IMPG1: variants seen among roughly 807,000 people sequenced by gnomAD.
The protein encoded by IMPG1 is interphotoreceptor matrix proteoglycan 1.
Under a neutral mutation model 92.0 loss-of-function variants are expected in IMPG1, and 85 were observed. The ratio of observed to expected loss-of-function variants is 0.92; its 90% CI spans 0.78 to 1.11. The LOEUF (loss-of-function observed/expected upper bound fraction) is 1.11. IMPG1 is among the 50% of genes least tolerant of loss of function. The pLI, the probability that IMPG1 is intolerant of heterozygous loss-of-function variation, is 0.00. For synonymous variants in IMPG1, 367 were observed against 334.1 expected (o/e 1.10, Z -1.08); for missense variants, 1,022 against 956.0 (o/e 1.07, Z -0.91).
At chr6:76,020,758 G>C (rs960316510) in intron 6 of IMPG1, among the ~76,000 whole-genome samples, 1 of 152,068 alleles carries the variant, frequency 6.6e-6, no homozygotes. Context: ...CCTATCTAAG[G>C]GGTTTGGGGA....
At chr6:76,021,778 C>T (rs866802705) in intron 6 of IMPG1, among the ~76,000 whole-genome samples, 24 of 49,486 alleles carry the variant, frequency 4.8e-4, no homozygotes, top group South Asian at 1.3e-3. Flanking sequence ...ACTTGGAGAG[C>T]ATATATATAT....
intron 13 of IMPG1, among the ~76,000 whole-genome samples, chr6:75,949,452 AAT>A (rs1781987570): frequency 1.3e-5 from 2 of 152,232 alleles, no homozygotes; most frequent in South Asian, 4.1e-4. Context: ...GGGAGGCATG[AAT>A]AATCCACCCT....
intron 15 of IMPG1, among the ~76,000 whole-genome samples, chr6:75,925,769 G>A (rs1044182702): frequency 6.6e-6 from 1 of 152,100 alleles, no homozygotes; most frequent in Non-Finnish European, 1.5e-5. Flanking sequence ...AGGTTCAAGC[G>A]ATTCTCCTGC....
At chr6:75,929,442 C>T (rs1781624800) in intron 15 of IMPG1, among the ~76,000 whole-genome samples, 1 of 149,502 alleles carries the variant, frequency 6.7e-6, no homozygotes, top group Non-Finnish European at 1.5e-5. Context: ...TCTCAGCAAA[C>T]TATCACAAGG....
intron 14 of IMPG1, among the ~76,000 whole-genome samples, chr6:75,942,420 T>C (rs1781849462): frequency 1.3e-5 from 2 of 152,348 alleles, no homozygotes; most frequent in South Asian, 4.1e-4. Context: ...CATCATTTTC[T>C]CTTGGGTCTC....
At chr6:76,024,785 G>A (rs1283384357) in intron 5 of IMPG1, 25 of 307,962 alleles carry the variant, frequency 8.1e-5, no homozygotes, top group South Asian at 7.0e-4. Flanking sequence ...GGATGCAACA[G>A]AATGTTGCAA....
intron 7 of IMPG1, among the ~76,000 whole-genome samples, chr6:76,017,252 T>C (rs1582106767): frequency 2.0e-5 from 3 of 149,906 alleles, no homozygotes; most frequent in Middle Eastern, 7.1e-3. Context: ...ACACTCAGCA[T>C]AGTAGCTGGA....
intron 15 of IMPG1, among the ~76,000 whole-genome samples, 176 bp from the exon 16 acceptor site, chr6:75,923,882 C>T (rs995275306): frequency 6.6e-6 from 1 of 152,134 alleles, no homozygotes; most frequent in East Asian, 1.9e-4. Context: ...TTTCCCCTGA[C>T]TTTTGCCTTT....
At chr6:75,998,114 G>A (rs1463651473) in intron 12 of IMPG1, among the ~76,000 whole-genome samples, 2 of 152,182 alleles carry the variant, frequency 1.3e-5, no homozygotes, top group Non-Finnish European at 1.5e-5. Context: ...ATGGTGAGTG[G>A]TGTGACCAGA....
At chr6:76,048,722 A>G (rs1471558516) in intron 1 of IMPG1, among the ~76,000 whole-genome samples, 2 of 152,218 alleles carry the variant, frequency 1.3e-5, no homozygotes, top group South Asian at 2.1e-4. Context: ...TCCAGATACT[A>G]GCTCATTTTT....
chr6:76,042,869 C>G (rs1414462063), intron 1 of IMPG1, among the ~76,000 whole-genome samples: 1 of 152,100 alleles, frequency 6.6e-6, no homozygotes, highest in African/African-American at 2.4e-5. Flanking sequence ...CTGGACCTCT[C>G]ATAATAACTT....
chr6:76,056,183 T>C (rs968976950), intron 1 of IMPG1, among the ~76,000 whole-genome samples: 14 of 152,140 alleles, frequency 9.2e-5, no homozygotes, highest in Non-Finnish European at 1.5e-4. Flanking sequence ...TATTTGAATA[T>C]TGATTAAGGC....
chr6:76,040,154 T>C (rs923449063), intron 2 of IMPG1, among the ~76,000 whole-genome samples: 1 of 152,180 alleles, frequency 6.6e-6, no homozygotes, highest in Non-Finnish European at 1.5e-5. Context: ...ATAAAGATAA[T>C]GGACTGTCAT....
At chr6:75,974,902 T>C (rs1782509919) in intron 12 of IMPG1, among the ~76,000 whole-genome samples, 1 of 152,200 alleles carries the variant, frequency 6.6e-6, no homozygotes, top group Admixed American at 6.5e-5. Flanking sequence ...TTAGAGAACA[T>C]TCAGAGGCTT....
chr6:76,025,341 C>T, intron 4 of IMPG1, 83 bp from the exon 5 acceptor site: 2 of 690,456 alleles, frequency 2.9e-6, no homozygotes, highest in Non-Finnish European at 2.5e-6. Flanking sequence ...ATTTCTTATA[C>T]TGAGTAAACC....
intron 14 of IMPG1, among the ~76,000 whole-genome samples, chr6:75,943,108 G>A (rs993491012): frequency 1.3e-5 from 2 of 152,120 alleles, no homozygotes; most frequent in Non-Finnish European, 2.9e-5. Context: ...GGAAAAAGGA[G>A]GTGTGAGTGA....
intron 12 of IMPG1, among the ~76,000 whole-genome samples, chr6:75,970,640 T>C (rs899907732): frequency 1.3e-5 from 2 of 152,220 alleles, no homozygotes; most frequent in Admixed American, 6.5e-5. Context: ...GGTTTCCTGG[T>C]GGCCTTAAAA....
At chr6:75,927,149 C>T (rs1217974218) in intron 15 of IMPG1, among the ~76,000 whole-genome samples, 1 of 152,170 alleles carries the variant, frequency 6.6e-6, no homozygotes, top group Non-Finnish European at 1.5e-5. Flanking sequence ...CCTTTGTTGA[C>T]AGAAACAGCT....
intron 9 of IMPG1, among the ~76,000 whole-genome samples, chr6:76,006,818 T>C (rs548933275): frequency 7.9e-5 from 12 of 152,250 alleles, no homozygotes; most frequent in African/African-American, 2.9e-4. Context: ...GAAACAGGAT[T>C]CTCTATGTCT....
Sources: allele counts gnomAD v4.1 joint callset (sites outside exome capture counted in the v4.1 genomes callset), GRCh38; gene constraint gnomAD v4.1.1; transcripts MANE v1.5; gene names NCBI Gene and HGNC (gene_info 2026-07-23, HGNC 2026-07-21).